Variants in TMEM62 observed in about 807,000 individuals in gnomAD.
TMEM62 encodes transmembrane protein 62.
TMEM62 carries 41 observed loss-of-function variants against 70.4 expected under a neutral mutation model. That is an observed-to-expected ratio of 0.58 (90% CI 0.45 to 0.76). The LOEUF is 0.76. Among genes scored for constraint, TMEM62 ranks in the 30% least tolerant of loss-of-function variants. The pLI is 0.00. For synonymous variants in TMEM62, 268 were observed against 291.0 expected, an observed-to-expected ratio of 0.92 and a Z score of 0.80; for missense variants, 688 against 788.5, an observed-to-expected ratio of 0.87 and a Z score of 1.53.
chr15:43,169,460 G>A, intron 10 of TMEM62, 133 bp from the exon 11 acceptor site: 2 of 731,390 alleles, frequency 2.7e-6, no homozygotes, highest in Non-Finnish European at 4.5e-6. Flanking sequence ...TGGGGACAAA[G>A]ACCAAAATAT....
At chr15:43,173,252 G>C (rs548644840) in intron 11 of TMEM62, among the ~76,000 whole-genome samples, 4 of 152,284 alleles carry the variant, frequency 2.6e-5, no homozygotes, top group Non-Finnish European at 5.9e-5. Context: ...CCTTTTGAGA[G>C]GTCACCAATG....
chr15:43,135,553 A>G lies in TMEM62; in HGVS notation c.334A>G (p.Arg112Gly), dbSNP rs1351044402. Residue 112 changes from arginine to glycine, a missense_variant, in exon 3 of 14, where the codon AGG becomes GGG. Arg to Gly is a moderately radical substitution (Grantham distance 125, BLOSUM62 -2). Transcript: ENST00000260403. ...DAKTKEQLGS[R>G]QHEVEWQTYQ... ...CAAAACAAAGGAACAGTTGGGATCC[A>G]GGCAGCATGAGGTAGAATGGCAAAC... is the stretch of plus-strand genomic sequence containing the variant. The G allele has an allele frequency of 6.2e-7, 1 of 1,611,402 alleles. No individual in the cohort carries two copies. Among genetic ancestry groups the G allele is most frequent in the Non-Finnish European group, 8.5e-7 (1 of 1,179,462 alleles).
chr15:43,145,448 G>A (rs1390098892), intron 4 of TMEM62, among the ~76,000 whole-genome samples: 3 of 151,966 alleles, frequency 2.0e-5, no homozygotes, highest in African/African-American at 4.8e-5. Flanking sequence ...CTCGTGATCC[G>A]CCTACCTCGG....
At chr15:43,139,077 T>C (rs1352612205) in intron 4 of TMEM62, among the ~76,000 whole-genome samples, 3 of 152,204 alleles carry the variant, frequency 2.0e-5, no homozygotes, top group Non-Finnish European at 4.4e-5. Flanking sequence ...AGCAAGTCTA[T>C]GGGAGCCATT....
chr15:43,135,382 C>T (rs968198726), intron 2 of TMEM62, 130 bp from the exon 3 acceptor site: 12 of 841,848 alleles, frequency 1.4e-5, no homozygotes, highest in African/African-American at 7.0e-5. Flanking sequence ...TTGGTGGTCT[C>T]GTGAGCAGTT....
At chr15:43,137,802 T>C (rs2035433795) in intron 3 of TMEM62, among the ~76,000 whole-genome samples, 1 of 152,228 alleles carries the variant, frequency 6.6e-6, no homozygotes, top group South Asian at 2.1e-4. Context: ...CTGTCTGTGC[T>C]GGTCTGAGGG....
chr15:43,140,882 C>T (rs2035910779), intron 4 of TMEM62, among the ~76,000 whole-genome samples: 1 of 152,194 alleles, frequency 6.6e-6, no homozygotes, highest in African/African-American at 2.4e-5. Context: ...GATCTGTCCC[C>T]AGTGGGTGAG....
At chr15:43,180,041 A>C (rs1402556418) in intron 12 of TMEM62, 2 of 152,244 alleles carry the variant, frequency 1.3e-5, no homozygotes, top group Non-Finnish European at 2.9e-5. Flanking sequence ...ATATGTCTTT[A>C]ATGCAGTTTA....
intron 1 of TMEM62, 24 bp downstream of exon 1, chr15:43,134,006 G>C (rs2034799880): frequency 7.0e-7 from 1 of 1,435,256 alleles, no homozygotes; most frequent in South Asian, 1.5e-5. Flanking sequence ...AAGCCGGGCC[G>C]GGAGGCAGGT....
chr15:43,161,216 A>G (rs1209789582), intron 10 of TMEM62, among the ~76,000 whole-genome samples: 2 of 152,224 alleles, frequency 1.3e-5, no homozygotes, highest in Admixed American at 6.5e-5. Flanking sequence ...ATAAAATTAA[A>G]GGTTAGTTAT....
At position 43,146,595 on chromosome 15, in the gene TMEM62, G is replaced by T. The variant is rs746605510; in HGVS notation, c.579G>T (p.Gly193=). The change falls in exon 5 of 14, where the codon GGG becomes GGT. Residue 193 remains glycine, a synonymous_variant. Transcript: ENST00000260403. ...GTGTAGATGCCACTGTAAATCCAGG[G>T]CCTAAGAGACCCTATAATTTCTTTG... The part of the protein sequence containing the change: ...FICVDATVNP[G]PKRPYNFFGI... The T allele has an allele frequency of 3.7e-6, 6 of 1,612,742 alleles. No individual in the cohort carries two copies. In the African/African-American group the frequency reaches 6.7e-5, roughly 18 times the overall value.
chr15:43,178,746 C>A, intron 12 of TMEM62, 35 bp downstream of exon 12: 2 of 1,335,696 alleles, frequency 1.5e-6, no homozygotes, highest in Non-Finnish European at 2.1e-6. Context: ...GGGAATTTTG[C>A]CAAAGAATAT....
At position 43,149,144 on chromosome 15, in the gene TMEM62, A is replaced by C. The variant is rs1258676643; in HGVS notation, c.859A>C (p.Asn287His). 6.2e-6 allele frequency: 10 copies of C among 1,614,018 alleles called. No homozygotes were observed. The highest frequency in any genetic ancestry group is 6.8e-6 in the Non-Finnish European group (8 of 1,179,980). Residue 287 changes from asparagine (N) to histidine (H), a missense_variant, in exon 7 of 14, where the codon AAT becomes CAT. By Grantham distance (68) the Asn-to-His change is moderately conservative. Coordinates refer to ENST00000260403, the MANE Select transcript of TMEM62 (RefSeq NM_024956.4). ...ACTTGAGGTGGGAGACTGGAAGGAT[A>C]ATAGGAGGTAAGGGAACCTCCCCAT... ...LELEVGDWKD[N>H]RRYRIFAFDH...
chr15:43,170,383 CTT>C (rs1259683073), intron 11 of TMEM62, among the ~76,000 whole-genome samples: 1 of 152,132 alleles, frequency 6.6e-6, no homozygotes, highest in African/African-American at 2.4e-5. Flanking sequence ...TAATTTATAA[CTT>C]GATCCTTGGG....
chr15:43,172,488 C>G (rs1248060133), intron 11 of TMEM62, among the ~76,000 whole-genome samples: 2 of 152,190 alleles, frequency 1.3e-5, no homozygotes, highest in Non-Finnish European at 2.9e-5. Flanking sequence ...CAGCTATCTT[C>G]ATTAAATCAA....
intron 2 of TMEM62, 36 bp from the exon 3 acceptor site, chr15:43,135,476 T>G: frequency 1.3e-6 from 2 of 1,563,704 alleles, no homozygotes; most frequent in Non-Finnish European, 1.7e-6. Context: ...AGTAGTTTAT[T>G]TTGCATTGTG....
At position 43,165,163 on chromosome 15, in the gene TMEM62, C is replaced by T. The variant is rs150195609; in HGVS notation, c.1296+4369C>T. 1.6e-3 allele frequency among the ~76,000 whole-genome samples: 247 copies of T among 151,974 alleles called. 1 individual carries two copies. The Middle Eastern group carries it at 0.027, about 17-fold the overall frequency. ...GAATAAACTTCCTACTCTGATCTCT[C>T]TCTGTACCTCCTCTTTAAGGCCAAT... On this transcript the variant is annotated intron_variant, in intron 10 of 13. Coordinates refer to ENST00000260403, the MANE Select transcript of TMEM62 (RefSeq NM_024956.4).
At chr15:43,179,182 G>A (rs987408008) in intron 12 of TMEM62, among the ~76,000 whole-genome samples, 4 of 152,080 alleles carry the variant, frequency 2.6e-5, no homozygotes, top group African/African-American at 9.7e-5. Context: ...AGTACTGCTT[G>A]AGTCCAGGAG....
intron 10 of TMEM62, among the ~76,000 whole-genome samples, chr15:43,165,548 A>G (rs2039298245): frequency 6.6e-6 from 1 of 152,038 alleles, no homozygotes; most frequent in South Asian, 2.1e-4. Context: ...CCTGGCTAAC[A>G]CAGTGAAACC....
Sources: gnomAD v4.1 joint callset for allele counts (sites outside exome capture counted in the v4.1 genomes callset) on GRCh38, gnomAD v4.1.1 for gene constraint, MANE v1.5 for transcripts, NCBI Gene and HGNC (gene_info 2026-07-23, HGNC 2026-07-21) for gene names.